Variants in KCTD16 observed in about 807,000 individuals in gnomAD.
The protein encoded by KCTD16 is BTB/POZ domain-containing protein KCTD16.
KCTD16 carries 13 observed loss-of-function variants against 33.2 expected under a neutral mutation model. That is an observed-to-expected ratio of 0.39 (90% CI 0.25 to 0.62). The LOEUF is 0.62. KCTD16 is among the 20% of genes least tolerant of loss of function. KCTD16 has a pLI of 0.50. For missense variants in KCTD16, 441 were observed against 525.1 expected (o/e 0.84, Z 1.57); for synonymous variants, 197 against 195.3 (o/e 1.01, Z -0.07).
intron 2 of KCTD16, among the ~76,000 whole-genome samples, chr5:144,198,203 G>T (rs944836733): frequency 1.3e-5 from 2 of 152,162 alleles, no homozygotes; most frequent in Non-Finnish European, 2.9e-5. Flanking sequence ...GACCCTATCA[G>T]CTTTGTAATT....
intron 3 of KCTD16, among the ~76,000 whole-genome samples, chr5:144,299,898 T>TAAAAAAAAAAAAAAAA (rs66821172): frequency 1.6e-5 from 2 of 128,882 alleles, no homozygotes; most frequent in African/African-American, 6.0e-5. Flanking sequence ...CAGAATCATT[T>TAAAAAAAAAAAAAAAA]AAAAAAAAAA....
chr5:144,198,069 G>A (rs552820661), intron 2 of KCTD16, among the ~76,000 whole-genome samples: 1 of 152,272 alleles, frequency 6.6e-6, no homozygotes, highest in South Asian at 2.1e-4. Flanking sequence ...GGTTTTCGCA[G>A]TCAGCTTATT....
intron 3 of KCTD16, among the ~76,000 whole-genome samples, chr5:144,420,593 T>A (rs962267407): frequency 1.6e-4 from 25 of 152,180 alleles, no homozygotes; most frequent in African/African-American, 6.0e-4. Flanking sequence ...CTGTACTTTT[T>A]TTATAGAGGC....
Position 144,207,413 on chromosome 5 carries a change from G to A in KCTD16, c.699G>A (p.Leu233=). ...TSRFYLKFKH[L]ERAFDMLSEC... ...GATTTTATCTCAAATTCAAGCACCT[G>A]GAAAGGGCTTTTGATATGTTGTCAG... Residue 233 remains leucine (L), a synonymous_variant, in exon 3 of 4, where the codon CTG becomes CTA. Coordinates refer to ENST00000512467, the MANE Select transcript of KCTD16 (RefSeq NM_020768.4). 6.2e-7 allele frequency: 1 copy of A among 1,614,176 alleles called. No homozygotes were observed. Among genetic ancestry groups the A allele is most frequent in the East Asian group, 2.2e-5 (1 of 44,882 alleles).
chr5:144,207,675 A>C, intron 3 of KCTD16, 129 bp downstream of exon 3: 1 of 715,286 alleles, frequency 1.4e-6, no homozygotes, highest in Non-Finnish European at 2.3e-6. Context: ...AGTTGTAGTT[A>C]GAGGATTAGA....
intron 3 of KCTD16, among the ~76,000 whole-genome samples, chr5:144,419,205 A>T (rs75381443): frequency 0.053 from 8,142 of 152,204 alleles, 752 homozygotes; most frequent in African/African-American, 0.19. Flanking sequence ...ATGCTCCCAC[A>T]CTATTGTAAT....
intron 3 of KCTD16, among the ~76,000 whole-genome samples, chr5:144,417,867 C>G (rs560270297): frequency 6.6e-6 from 1 of 152,080 alleles, no homozygotes. Flanking sequence ...GAATTGGTTC[C>G]TTCCTGTGGA....
intron 2 of KCTD16, 132 bp from the exon 3 acceptor site, chr5:144,206,257 A>C (rs1023914087): frequency 1.3e-5 from 2 of 157,386 alleles, no homozygotes; most frequent in Non-Finnish European, 2.8e-5. Flanking sequence ...CAGTAGTTCC[A>C]GAGCTGCTTA....
chr5:144,430,292 A>G (rs1002004032), intron 3 of KCTD16, among the ~76,000 whole-genome samples: 1 of 152,162 alleles, frequency 6.6e-6, no homozygotes. Context: ...GAAATTTGAA[A>G]TGGGAATTGC....
At chr5:144,425,712 C>G (rs1753313428) in intron 3 of KCTD16, among the ~76,000 whole-genome samples, 1 of 151,950 alleles carries the variant, frequency 6.6e-6, no homozygotes, top group Non-Finnish European at 1.5e-5. Flanking sequence ...ATGACTGAGG[C>G]AAAAGAAGCA....
intron 3 of KCTD16, among the ~76,000 whole-genome samples, chr5:144,437,884 T>A (rs1403269052): frequency 2.0e-5 from 3 of 152,150 alleles, no homozygotes; most frequent in Non-Finnish European, 4.4e-5. Flanking sequence ...ATGGCGTAGA[T>A]CTTTGCTGCT....
chr5:144,302,945 AT>A (rs1751484062), intron 3 of KCTD16, among the ~76,000 whole-genome samples: 1 of 152,224 alleles, frequency 6.6e-6, no homozygotes, highest in African/African-American at 2.4e-5. Flanking sequence ...AGCCTATAGA[AT>A]GAGCAGCAGG....
rs559702485 is a variant in KCTD16, at chr5:144,356,766, A to C, written c.833-116894A>C. ...ACAACATAGTTTCTCCCCAACACCT[A>C]ATGCTGAAAACAAACAAGACAATAA... On this transcript the variant is annotated intron_variant, in intron 3 of 3. Transcript: ENST00000512467. Among the ~76,000 whole-genome samples the C allele has an allele frequency of 1.9e-3, 291 of 152,174 alleles. 5 individuals are homozygous for C. Among genetic ancestry groups the C allele is most frequent in the South Asian group, 0.013 (63 of 4,820 alleles).
intron 3 of KCTD16, among the ~76,000 whole-genome samples, chr5:144,327,068 C>T (rs1752225831): frequency 1.3e-5 from 2 of 152,220 alleles, no homozygotes; most frequent in South Asian, 2.1e-4. Flanking sequence ...GGAAGCAAAA[C>T]TATTTACCGC....
At chr5:144,241,438 G>T (rs1182294207) in intron 3 of KCTD16, among the ~76,000 whole-genome samples, 1 of 152,128 alleles carries the variant, frequency 6.6e-6, no homozygotes, top group Admixed American at 6.5e-5. Flanking sequence ...ATAGAATGTA[G>T]ACTGGAAATT....
intron 3 of KCTD16, among the ~76,000 whole-genome samples, chr5:144,465,311 A>G (rs1754303760): frequency 6.6e-6 from 1 of 151,304 alleles, no homozygotes; most frequent in Admixed American, 6.6e-5. Context: ...TCTTCACTGT[A>G]ATCAACAATG....
At chr5:144,278,815 A>G (rs1327557601) in intron 3 of KCTD16, among the ~76,000 whole-genome samples, 1 of 152,188 alleles carries the variant, frequency 6.6e-6, no homozygotes, top group African/African-American at 2.4e-5. Context: ...TCTTATTAAA[A>G]AATTAGAAAC....
chr5:144,225,701 A>T (rs955024502), intron 3 of KCTD16, among the ~76,000 whole-genome samples: 18 of 152,170 alleles, frequency 1.2e-4, no homozygotes, highest in Non-Finnish European at 1.6e-4. Flanking sequence ...GTGCCCTAGC[A>T]GGCATTTGCC....
intron 3 of KCTD16, among the ~76,000 whole-genome samples, chr5:144,337,394 G>T (rs1269702643): frequency 6.6e-6 from 1 of 152,080 alleles, no homozygotes; most frequent in Non-Finnish European, 1.5e-5. Flanking sequence ...TCAGTAGTAG[G>T]CTATGATTTT....
Sources: allele counts gnomAD v4.1 joint callset (sites outside exome capture counted in the v4.1 genomes callset), GRCh38; gene constraint gnomAD v4.1.1; transcripts MANE v1.5; gene names NCBI Gene and HGNC (gene_info 2026-07-23, HGNC 2026-07-21).